The following PLXDC2 variants were observed in gnomAD, a reference collection of about 807,000 sequenced individuals.
PLXDC2 encodes the protein plexin domain-containing protein 2.
In PLXDC2, 40 loss-of-function variants were observed where a neutral mutation model predicts 68.9. The observed-to-expected ratio is 0.58, with a 90% CI of 0.45 to 0.76. The LOEUF (loss-of-function observed/expected upper bound fraction) is 0.76. Among genes scored for constraint, PLXDC2 ranks in the 30% least tolerant of loss-of-function variants. PLXDC2 has a pLI of 0.00. For missense variants in PLXDC2, 644 were observed against 661.9 expected (o/e 0.97, Z 0.30); for synonymous variants, 243 against 234.2 (o/e 1.04, Z -0.34).
intron 4 of PLXDC2, among the ~76,000 whole-genome samples, chr10:20,141,666 G>A (rs1041060345): frequency 2.0e-5 from 3 of 151,818 alleles, no homozygotes; most frequent in South Asian, 2.1e-4. Context: ...TAGAGACCCT[G>A]GAAAAGAGTT....
intron 7 of PLXDC2, among the ~76,000 whole-genome samples, chr10:20,166,334 G>T (rs1354774102): frequency 6.6e-6 from 1 of 152,106 alleles, no homozygotes; most frequent in Non-Finnish European, 1.5e-5. Flanking sequence ...TGTTAGCTGA[G>T]AATTTGTGGG....
intron 12 of PLXDC2, among the ~76,000 whole-genome samples, chr10:20,235,655 T>A (rs1835423063): frequency 6.6e-6 from 1 of 152,188 alleles, no homozygotes; most frequent in Admixed American, 6.5e-5. Flanking sequence ...AAAGGTTCCA[T>A]CTTTATGTTA....
At chr10:19,880,075 T>G (rs1310379670) in intron 1 of PLXDC2, among the ~76,000 whole-genome samples, 1 of 152,224 alleles carries the variant, frequency 6.6e-6, no homozygotes, top group African/African-American at 2.4e-5. Flanking sequence ...GAAAACACAA[T>G]GTATGATAAT....
intron 2 of PLXDC2, among the ~76,000 whole-genome samples, chr10:20,012,425 C>T (rs1835136209): frequency 6.9e-6 from 1 of 145,156 alleles, no homozygotes; most frequent in South Asian, 2.2e-4. Flanking sequence ...TCAAGCGATT[C>T]TCCTGACTCA....
intron 1 of PLXDC2, among the ~76,000 whole-genome samples, chr10:19,978,883 A>C (rs1256981879): frequency 2.6e-5 from 4 of 152,224 alleles, no homozygotes; most frequent in Admixed American, 6.5e-5. Context: ...AGATAAGAGT[A>C]AGTTCTCATA....
rs575246469 is a variant in PLXDC2 at position 20,260,457 on chromosome 10, T to C, written c.1473+14952T>C. ...ATAGACATCATGCAGTATCTTTCTT[T>C]CTATGTCTGGCTAATTTCACTTAGC... On this transcript the variant is annotated intron_variant, in intron 13 of 13. Coordinates refer to ENST00000377252, the MANE Select transcript of PLXDC2 (RefSeq NM_032812.9). 3.3e-5 allele frequency among the ~76,000 whole-genome samples: 5 copies of C among 152,330 alleles called. No individual in the cohort carries two copies. In the East Asian group the frequency reaches 9.6e-4, roughly 29 times the overall value.
intron 10 of PLXDC2, among the ~76,000 whole-genome samples, chr10:20,214,868 A>G (rs1223895661): frequency 6.6e-6 from 1 of 152,174 alleles, no homozygotes; most frequent in Non-Finnish European, 1.5e-5. Flanking sequence ...AGAGAATAAT[A>G]TATGGCAAGT....
At chr10:19,926,287 A>G (rs76079774) in intron 1 of PLXDC2, among the ~76,000 whole-genome samples, 1,552 of 152,260 alleles carry the variant, frequency 0.01, 28 homozygotes, top group African/African-American at 0.035. Context: ...TCCAGGTGAG[A>G]TTACATCCTC....
intron 9 of PLXDC2, among the ~76,000 whole-genome samples, chr10:20,198,683 C>T (rs529539729): frequency 6.6e-6 from 1 of 152,158 alleles, no homozygotes; most frequent in South Asian, 2.1e-4. Context: ...AATTATATCT[C>T]TGATGAGGGT....
At chr10:19,927,026 C>A (rs1287990241) in intron 1 of PLXDC2, among the ~76,000 whole-genome samples, 1 of 152,198 alleles carries the variant, frequency 6.6e-6, no homozygotes, top group African/African-American at 2.4e-5. Context: ...TTCTTGCTGA[C>A]CTTATCCATC....
chr10:20,166,281 A>G (rs1284398755), intron 7 of PLXDC2, among the ~76,000 whole-genome samples: 2 of 152,176 alleles, frequency 1.3e-5, no homozygotes, highest in African/African-American at 4.8e-5. Flanking sequence ...AATGGCATTG[A>G]TACGTGGTGG....
At chr10:19,955,802 G>A (rs1193382321) in intron 1 of PLXDC2, among the ~76,000 whole-genome samples, 1 of 152,158 alleles carries the variant, frequency 6.6e-6, no homozygotes, top group African/African-American at 2.4e-5. Context: ...ATTCTTGGCT[G>A]GGCGTGGTGG....
intron 1 of PLXDC2, among the ~76,000 whole-genome samples, chr10:19,956,521 C>T (rs956201558): frequency 1.3e-5 from 2 of 152,150 alleles, no homozygotes; most frequent in Non-Finnish European, 2.9e-5. Context: ...TCAGCAAAAA[C>T]ATCAGCTCTC....
intron 1 of PLXDC2, among the ~76,000 whole-genome samples, chr10:19,992,495 C>T (rs933089438): frequency 2.0e-4 from 30 of 152,108 alleles, no homozygotes; most frequent in Admixed American, 1.8e-3. Context: ...TATGAAAATT[C>T]AGTGGATGCT....
chr10:20,068,154 G>C lies in PLXDC2; in HGVS notation c.472-16G>C, dbSNP rs1564303043. 1.2e-6 allele frequency: 2 copies of C among 1,603,080 alleles called. No homozygotes were observed. Among genetic ancestry groups the C allele is most frequent in the Admixed American group, 3.4e-5 (2 of 59,362 alleles). ...TACACATTATTGATTTTTTTCTCTG[G>C]TGTTGTTCTTTGCAGAGAGTGAATC... On this transcript the variant is annotated splice_polypyrimidine_tract_variant and intron_variant, in intron 3 of 13. Transcript: ENST00000377252.
intron 1 of PLXDC2, among the ~76,000 whole-genome samples, chr10:20,001,476 T>C (rs1009204936): frequency 6.6e-6 from 1 of 152,110 alleles, no homozygotes; most frequent in South Asian, 2.1e-4. Context: ...AGTGTGCGTG[T>C]GGAGGGGGCA....
intron 1 of PLXDC2, among the ~76,000 whole-genome samples, chr10:19,892,737 G>A (rs1023220571): frequency 3.9e-5 from 6 of 152,052 alleles, no homozygotes; most frequent in East Asian, 1.9e-4. Context: ...AACCATTCCC[G>A]TATTTGATGG....
At chr10:20,198,272 C>T (rs926461013) in intron 9 of PLXDC2, among the ~76,000 whole-genome samples, 3 of 152,114 alleles carry the variant, frequency 2.0e-5, no homozygotes, top group Admixed American at 1.3e-4. Flanking sequence ...TGCAAAATGT[C>T]AGTGAAAATG....
At chr10:20,277,931 GA>G (rs547674541) in intron 13 of PLXDC2, among the ~76,000 whole-genome samples, 1 of 152,160 alleles carries the variant, frequency 6.6e-6, no homozygotes, top group Non-Finnish European at 1.5e-5. Flanking sequence ...AAGTAAGTGA[GA>G]ACGTGTGATG....
Sources: gnomAD v4.1 joint callset for allele counts (sites outside exome capture counted in the v4.1 genomes callset) on GRCh38, gnomAD v4.1.1 for gene constraint, MANE v1.5 for transcripts, NCBI Gene and HGNC (gene_info 2026-07-23, HGNC 2026-07-21) for gene names.